The following BLTP3A variants were observed in gnomAD, a reference collection of about 807,000 sequenced individuals.
The protein encoded by BLTP3A is ICBP90 binding protein 1.
the BLTP3A span, among the ~76,000 whole-genome samples, chr6:34,861,003 C>G: frequency 1.3e-5 from 2 of 152,154 alleles, no homozygotes; most frequent in Non-Finnish European, 2.9e-5. Flanking sequence ...ATTTGTAACC[C>G]CACCCAGTTA....
At chr6:34,851,454 C>G in the BLTP3A span, among the ~76,000 whole-genome samples, 1 of 152,162 alleles carries the variant, frequency 6.6e-6, no homozygotes, top group Non-Finnish European at 1.5e-5. Context: ...CAGGCAGAGC[C>G]TCTTGTTCTC....
chr6:34,872,697 A>C, the BLTP3A span: 1 of 307,226 alleles, frequency 3.3e-6, no homozygotes, highest in Non-Finnish European at 5.9e-6. Flanking sequence ...TGCCTGTATA[A>C]AGCCTTTTGG....
chr6:34,841,311 C>T, the BLTP3A span, among the ~76,000 whole-genome samples: 51 of 151,908 alleles, frequency 3.4e-4, no homozygotes, highest in African/African-American at 1.1e-3. Flanking sequence ...TCAAGTGATC[C>T]GCCCACTTCA....
chr6:34,805,582 G>A, the BLTP3A span, among the ~76,000 whole-genome samples: 1 of 135,490 alleles, frequency 7.4e-6, no homozygotes. Context: ...AGCAGAAGGC[G>A]ACTTGGTCTC....
At chr6:34,825,304 T>C in the BLTP3A span, among the ~76,000 whole-genome samples, 22 of 151,912 alleles carry the variant, frequency 1.4e-4, no homozygotes, top group Admixed American at 3.9e-4. Context: ...TCTTTTCTTT[T>C]TTCTTTTTTT....
chr6:34,844,284 G>C, the BLTP3A span, among the ~76,000 whole-genome samples: 8 of 149,886 alleles, frequency 5.3e-5, no homozygotes, highest in Non-Finnish European at 7.4e-5. Context: ...ACCTGGCCTG[G>C]TTTGTTTTTG....
At chr6:34,818,057 A>G in the BLTP3A span, among the ~76,000 whole-genome samples, 1 of 151,576 alleles carries the variant, frequency 6.6e-6, no homozygotes, top group African/African-American at 2.4e-5. Context: ...ACGGGGTTTC[A>G]CCGTGTTAGC....
At chr6:34,818,101 G>A in the BLTP3A span, among the ~76,000 whole-genome samples, 15 of 152,058 alleles carry the variant, frequency 9.9e-5, no homozygotes, top group African/African-American at 2.2e-4. Flanking sequence ...CTCGTGATCC[G>A]CCCGCCTTGG....
chr6:34,810,961 C>G, the BLTP3A span, among the ~76,000 whole-genome samples: 1 of 152,098 alleles, frequency 6.6e-6, no homozygotes, highest in Non-Finnish European at 1.5e-5. Flanking sequence ...TCATGACATA[C>G]CTAACCTTTT....
the BLTP3A span, among the ~76,000 whole-genome samples, chr6:34,806,891 C>T: frequency 6.6e-6 from 1 of 152,162 alleles, no homozygotes; most frequent in South Asian, 2.1e-4. Flanking sequence ...AACTCCTGAC[C>T]TCAAGTGATC....
chr6:34,865,579 C>T, the BLTP3A span, among the ~76,000 whole-genome samples: 1 of 152,164 alleles, frequency 6.6e-6, no homozygotes, highest in East Asian at 1.9e-4. Context: ...TATGGTAACT[C>T]TATTTTTAGC....
the BLTP3A span, chr6:34,859,466 T>A: frequency 1.2e-6 from 2 of 1,614,204 alleles, no homozygotes; most frequent in South Asian, 2.2e-5. Context: ...CATGCCACCA[T>A]GGACCTCACC....
chr6:34,793,689 A>G, the BLTP3A span, among the ~76,000 whole-genome samples: 1 of 152,170 alleles, frequency 6.6e-6, no homozygotes, highest in Non-Finnish European at 1.5e-5. Flanking sequence ...AGTAATCTAG[A>G]TGTTCCATGA....
chr6:34,860,619 A>G, the BLTP3A span, among the ~76,000 whole-genome samples: 1 of 152,158 alleles, frequency 6.6e-6, no homozygotes, highest in South Asian at 2.1e-4. Flanking sequence ...AAGTACTTAT[A>G]ATATTGGTCC....
chr6:34,855,660 C>G, the BLTP3A span: 2 of 1,613,848 alleles, frequency 1.2e-6, no homozygotes, highest in Non-Finnish European at 1.7e-6. Context: ...TGCAGCTTAC[C>G]TTCCGCAAGA....
chr6:34,857,026 T>C, the BLTP3A span: 55 of 1,428,568 alleles, frequency 3.9e-5, no homozygotes, highest in East Asian at 1.3e-3. Context: ...TTGGGGACTA[T>C]TTACCTCACT....
chr6:34,802,017 G>A, the BLTP3A span, among the ~76,000 whole-genome samples: 13 of 152,144 alleles, frequency 8.5e-5, no homozygotes, highest in East Asian at 1.9e-3. Flanking sequence ...GATTACAGGC[G>A]TGAGCCACCA....
chr6:34,836,460 G>T, the BLTP3A span: 1 of 1,058,072 alleles, frequency 9.5e-7, no homozygotes, highest in Non-Finnish European at 1.4e-6. Flanking sequence ...ACTTTGGTTG[G>T]CTTCCCTTAA....
chr6:34,846,008 C>A, the BLTP3A span, among the ~76,000 whole-genome samples: 1,272 of 151,620 alleles, frequency 8.4e-3, 19 homozygotes, highest in African/African-American at 0.027. Flanking sequence ...GTGGTATAGG[C>A]AATACGGATT....
Sources: gnomAD v4.1 joint callset for allele counts (sites outside exome capture counted in the v4.1 genomes callset) on GRCh38, gnomAD v4.1.1 for gene constraint, MANE v1.5 for transcripts, NCBI Gene and HGNC (gene_info 2026-07-23, HGNC 2026-07-21) for gene names.